Variants in SSPN observed in about 807,000 individuals in gnomAD.
SSPN encodes the protein sarcospan.
SSPN carries 15 observed loss-of-function variants against 19.1 expected under a neutral mutation model. The observed-to-expected ratio is 0.78, with a 90% CI of 0.52 to 1.21. The LOEUF is 1.21. Among genes scored for constraint, SSPN ranks in the 50% most tolerant of loss-of-function variants. The pLI is 0.00. For synonymous variants in SSPN, 147 were observed against 140.3 expected (o/e 1.05, Z -0.34); for missense variants, 291 against 314.0 (o/e 0.93, Z 0.55).
At chr12:26,130,851 G>A (rs923895200) in intron 1 of SSPN, among the ~76,000 whole-genome samples, 1 of 151,804 alleles carries the variant, frequency 6.6e-6, no homozygotes, top group Non-Finnish European at 1.5e-5. Context: ...ACTCCTGCAG[G>A]GAAGGATGAA....
chr12:26,125,579 C>T (rs1944356990), intron 1 of SSPN: 1 of 152,742 alleles, frequency 6.5e-6, no homozygotes, highest in Non-Finnish European at 1.5e-5. Flanking sequence ...TTGCAATCCG[C>T]TCCTTGAAGG....
Position 26,207,045 on chromosome 12 carries a change from G to A in SSPN, c.279+11094G>A, listed in dbSNP as rs546524476. ...AAGGTGGTGCCTTAAACAATGTACC[G>A]TGCTAGCGCAGAGAAGAACATGATG... On this transcript the variant is annotated intron_variant, in intron 1 of 2. Transcript: ENST00000242729. Among the ~76,000 whole-genome samples the A allele has an allele frequency of 1.5e-4, 23 of 152,280 alleles. No homozygotes were observed. In the East Asian group the frequency reaches 4.1e-3, roughly 27 times the overall value.
chr12:26,213,152 A>T (rs779072678), intron 1 of SSPN, among the ~76,000 whole-genome samples: 2 of 151,988 alleles, frequency 1.3e-5, no homozygotes, highest in Admixed American at 6.6e-5. Flanking sequence ...AAATTAAATG[A>T]TTGTCATTGT....
chr12:26,181,085 C>T (rs1301747755), intron 1 of SSPN: 1 of 152,194 alleles, frequency 6.6e-6, no homozygotes, highest in East Asian at 1.9e-4. Flanking sequence ...CCTTAGACTG[C>T]ATGGAATCTC....
At chr12:26,148,276 G>T (rs1293103419) in intron 1 of SSPN, among the ~76,000 whole-genome samples, 1 of 152,204 alleles carries the variant, frequency 6.6e-6, no homozygotes, top group Non-Finnish European at 1.5e-5. Flanking sequence ...TTCTTCCCGA[G>T]ATCTGAATTG....
At chr12:26,212,605 A>AT (rs1433760182) in intron 1 of SSPN, among the ~76,000 whole-genome samples, 1 of 152,034 alleles carries the variant, frequency 6.6e-6, no homozygotes, top group African/African-American at 2.4e-5. Context: ...CATAAATAGG[A>AT]TTTCTACACT....
At chr12:26,198,170 G>C (rs937109305) in intron 1 of SSPN, among the ~76,000 whole-genome samples, 1 of 148,850 alleles carries the variant, frequency 6.7e-6, no homozygotes, top group Non-Finnish European at 1.5e-5. Context: ...GAGTTTTGGG[G>C]GGGGGTTTTT....
At chr12:26,227,868 A>C (rs746597623) in intron 2 of SSPN, among the ~76,000 whole-genome samples, 1 of 152,214 alleles carries the variant, frequency 6.6e-6, no homozygotes, top group Non-Finnish European at 1.5e-5. Context: ...CACGCTGTTA[A>C]TCATCAGCCA....
chr12:26,152,261 A>C (rs944365356), intron 1 of SSPN, among the ~76,000 whole-genome samples: 2 of 152,178 alleles, frequency 1.3e-5, no homozygotes, highest in Non-Finnish European at 2.9e-5. Context: ...CCATTATGTA[A>C]TATTTCCACC....
chr12:26,168,290 G>GGGAA (rs1409505592), intron 1 of SSPN, among the ~76,000 whole-genome samples: 1 of 151,660 alleles, frequency 6.6e-6, no homozygotes, highest in Non-Finnish European at 1.5e-5. Flanking sequence ...AGACACTAAA[G>GGGAA]GGAAGGGCAC....
intron 1 of SSPN, among the ~76,000 whole-genome samples, chr12:26,171,624 AT>A (rs3082328): frequency 0.18 from 27,145 of 149,212 alleles, 2,416 homozygotes; most frequent in South Asian, 0.27. Flanking sequence ...TGTTTTCCCT[AT>A]TTTTTTTTTT....
chr12:26,179,918 G>GTTTT (rs1944707903), intron 1 of SSPN: 10 of 69,036 alleles, frequency 1.4e-4, no homozygotes, highest in Admixed American at 7.5e-4. Context: ...ATTTAGCTAG[G>GTTTT]CTTTTTTTTT....
chr12:26,122,847 C>A, intron 1 of SSPN: 1 of 1,574,502 alleles, frequency 6.4e-7, no homozygotes, highest in Non-Finnish European at 8.6e-7. Context: ...GGGCTGAGTC[C>A]GCTGGATGAC....
chr12:26,165,114 A>G (rs1466816698), intron 1 of SSPN, among the ~76,000 whole-genome samples: 2 of 152,212 alleles, frequency 1.3e-5, no homozygotes, highest in Non-Finnish European at 2.9e-5. Flanking sequence ...AGTATTTTTA[A>G]TCGAAAAATT....
At chr12:26,162,498 TA>T (rs1276217756) in intron 1 of SSPN, among the ~76,000 whole-genome samples, 2 of 152,222 alleles carry the variant, frequency 1.3e-5, no homozygotes, top group Non-Finnish European at 2.9e-5. Context: ...GATAACTGGT[TA>T]CTAGAGATCT....
Position 26,195,741 on chromosome 12 carries a change from G to T in SSPN, c.69G>T (p.Gly23=). The T allele has an allele frequency of 6.8e-7, 1 of 1,478,850 alleles. No homozygotes were observed. Among genetic ancestry groups the T allele is most frequent in the Non-Finnish European group, 8.9e-7 (1 of 1,119,784 alleles). 91.6% of individuals were successfully genotyped at this position (1,478,850 alleles called of 1,614,324 possible). ...GCCCGCCGGCCGCGGACGCCGCTGG[G>T]CCCGACGACATGGAGCCGAAGAAGG... ...QGGPPAADAA[G]PDDMEPKKGT... Residue 23 remains glycine (G), a synonymous_variant, in exon 1 of 3, where the codon GGG becomes GGT. Coordinates refer to ENST00000242729, the MANE Select transcript of SSPN (RefSeq NM_005086.5).
At chr12:26,161,443 C>G (rs1242652413) in intron 1 of SSPN, among the ~76,000 whole-genome samples, 1 of 152,172 alleles carries the variant, frequency 6.6e-6, no homozygotes, top group South Asian at 2.1e-4. Flanking sequence ...TCAACTCTTT[C>G]CCTGCCCTGC....
intron 1 of SSPN, chr12:26,122,327 C>CGCCGGGGCGGGGAT: frequency 8.5e-7 from 1 of 1,172,852 alleles, no homozygotes; most frequent in Non-Finnish European, 1.1e-6. Flanking sequence ...CCGCGGCTGC[C>CGCCGGGGCGGGGAT]GCCGGGGCGG....
intron 1 of SSPN, among the ~76,000 whole-genome samples, chr12:26,131,620 A>G (rs1470516087): frequency 6.6e-6 from 1 of 152,218 alleles, no homozygotes; most frequent in Non-Finnish European, 1.5e-5. Context: ...GGAATAAATG[A>G]GGGAGGAAAG....
Sources: allele counts gnomAD v4.1 joint callset (sites outside exome capture counted in the v4.1 genomes callset), GRCh38; gene constraint gnomAD v4.1.1; transcripts MANE v1.5; gene names NCBI Gene and HGNC (gene_info 2026-07-23, HGNC 2026-07-21).